FGD2: variants seen among roughly 807,000 people sequenced by gnomAD.
The protein encoded by FGD2 is FYVE, RhoGEF and PH domain-containing protein 2.
In FGD2, 52 loss-of-function variants were observed where a neutral mutation model predicts 75.9. That is an observed-to-expected ratio of 0.69 (90% CI 0.55 to 0.86). FGD2 has a LOEUF of 0.86. Among genes scored for constraint, FGD2 ranks in the 40% least tolerant of loss-of-function variants. FGD2 has a pLI of 0.00. For synonymous variants in FGD2, 347 were observed against 348.6 expected, an observed-to-expected ratio of 1.00 and a Z score of 0.05; for missense variants, 790 against 872.0, an observed-to-expected ratio of 0.91 and a Z score of 1.18.
chr6:37,016,754 C>A (rs1465582277), intron 9 of FGD2, among the ~76,000 whole-genome samples: 1 of 152,144 alleles, frequency 6.6e-6, no homozygotes, highest in Non-Finnish European at 1.5e-5. Flanking sequence ...CCAGGCTGGT[C>A]TCAAACTCCT....
Position 37,028,111 on chromosome 6 carries a change from C to T in FGD2, c.1916C>T (p.Ala639Val), listed in dbSNP as rs752345344. ...CGCTGGGTGAAGGCCATGGAGCGGG[C>T]GGCCAGTGGCTGGAGCCCCAGCTGG... ...KGRWVKAMER[A>V]ASGWSPSWPN... Residue 639 changes from alanine to valine, a missense_variant, in exon 16 of 16, where the codon GCG (alanine) becomes GTG (valine). By Grantham distance (64) the Ala-to-Val change is moderately conservative (BLOSUM62 0). Transcript: ENST00000274963. 22 of 1,610,358 alleles carry T rather than the reference C, an allele frequency of 1.4e-5. No individual in the cohort carries two copies. The highest frequency in any genetic ancestry group is 1.7e-5 in the Non-Finnish European group (20 of 1,178,446).
At chr6:37,021,294 G>A (rs543860868) in intron 11 of FGD2, among the ~76,000 whole-genome samples, 1 of 152,200 alleles carries the variant, frequency 6.6e-6, no homozygotes, top group Non-Finnish European at 1.5e-5. Context: ...GGCAGTCCAG[G>A]GCCAGTCACT....
intron 14 of FGD2, chr6:37,026,320 C>T (rs1250979458): frequency 2.0e-6 from 2 of 985,322 alleles, no homozygotes; most frequent in African/African-American, 3.5e-5. Context: ...AACACTGACG[C>T]TCCAGGTCAG....
At chr6:37,010,690 A>G (rs759492206) in intron 2 of FGD2, among the ~76,000 whole-genome samples, 14 of 152,146 alleles carry the variant, frequency 9.2e-5, no homozygotes, top group Non-Finnish European at 1.6e-4. Flanking sequence ...TCTCCCTATC[A>G]GAGCTGCCAG....
At chr6:37,027,621 A>G (rs750161620) in intron 15 of FGD2, 46 bp downstream of exon 15, 18 of 1,609,644 alleles carry the variant, frequency 1.1e-5, no homozygotes, top group Non-Finnish European at 1.4e-5. Flanking sequence ...TGGCCTTCCC[A>G]CAGCGTGTGT....
intron 4 of FGD2, 70 bp downstream of exon 4, chr6:37,011,924 G>A: frequency 1.3e-6 from 2 of 1,552,810 alleles, no homozygotes; most frequent in Non-Finnish European, 1.7e-6. Flanking sequence ...GGAGACCCCA[G>A]GGCGCTAGGT....
chr6:37,024,665 A>C (rs1765734425), intron 13 of FGD2: 2 of 152,226 alleles, frequency 1.3e-5, no homozygotes, highest in South Asian at 4.1e-4. Flanking sequence ...ATATTTACTA[A>C]TTATATTTAA....
At chr6:37,008,703 A>G (rs987685137) in intron 1 of FGD2, 131 bp from the exon 2 acceptor site, 4 of 682,260 alleles carry the variant, frequency 5.9e-6, no homozygotes, top group Non-Finnish European at 9.6e-6. Flanking sequence ...CATGTTCCCA[A>G]AGAAAGCCAG....
chr6:37,018,069 G>T (rs143802200), intron 9 of FGD2, among the ~76,000 whole-genome samples: 187 of 152,318 alleles, frequency 1.2e-3, no homozygotes, highest in African/African-American at 4.3e-3. Flanking sequence ...GAGAAAGGCA[G>T]GTTTATAGAG....
At chr6:37,027,862 C>G in intron 15 of FGD2, 86 bp from the exon 16 acceptor site, 1 of 1,432,886 alleles carries the variant, frequency 7.0e-7, no homozygotes, top group East Asian at 2.3e-5. Flanking sequence ...GTGAGCTGTG[C>G]GTGCGTGGCT....
rs779903345 is a variant in FGD2 at position 37,015,727 on chromosome 6, C to T, written c.1030-41C>T. 11 of 1,543,216 alleles carry T rather than the reference C, an allele frequency of 7.1e-6. No individual in the cohort carries two copies. In the Admixed American group the frequency reaches 1.2e-4, roughly 16 times the overall value. On this transcript the variant is annotated intron_variant, in intron 8 of 15. Transcript: ENST00000274963. ...GGGAAACCCCACCTAGCCATCCTCC[C>T]TGCCCCTGCCACGGGCCACTCACGC...
chr6:37,014,137 G>A (rs771492916), intron 6 of FGD2, 37 bp downstream of exon 6: 17 of 1,598,970 alleles, frequency 1.1e-5, no homozygotes, highest in South Asian at 6.7e-5. Context: ...GGGCTGAGGA[G>A]GCCTAAGCCA....
At chr6:37,022,571 TACCTAGGCTTCCACTTGATCC>T (rs1045088995) in intron 13 of FGD2, 48 of 612,520 alleles carry the variant, frequency 7.8e-5, no homozygotes, top group Middle Eastern at 2.7e-4. Context: ...CTATCTTTCC[TACCTAGGCTTCCACTTGATCC>T]ACCTAGGCTT....
At chr6:37,024,537 G>A (rs1284550321) in intron 13 of FGD2, 1 of 151,890 alleles carries the variant, frequency 6.6e-6, no homozygotes, top group African/African-American at 2.4e-5. Flanking sequence ...GAGACAGAGA[G>A]CAAATGTGGC....
intron 9 of FGD2, among the ~76,000 whole-genome samples, chr6:37,016,464 T>G (rs1583307692): frequency 1.3e-5 from 2 of 151,900 alleles, no homozygotes; most frequent in Admixed American, 1.3e-4. Context: ...TAGTCCATGA[T>G]GGAGCCCATG....
At chr6:37,023,157 G>C (rs1161965071) in intron 13 of FGD2, 1 of 155,052 alleles carries the variant, frequency 6.4e-6, no homozygotes, top group African/African-American at 2.4e-5. Context: ...CTCTTTACCC[G>C]CTTCGGCTAA....
intron 2 of FGD2, 112 bp from the exon 3 acceptor site, chr6:37,010,861 G>A (rs780687600): frequency 2.8e-5 from 29 of 1,023,582 alleles, no homozygotes; most frequent in Non-Finnish European, 3.6e-5. Flanking sequence ...CATGAATCCC[G>A]GGAGGCATGC....
intron 11 of FGD2, 149 bp downstream of exon 11, chr6:37,020,888 A>ATGTGTG (rs58421270): frequency 0.31 from 215,708 of 691,582 alleles, 14,909 homozygotes; most frequent in Admixed American, 0.38. Context: ...GTATGTATGC[A>ATGTGTG]TGTGTGTGTG....
intron 9 of FGD2, among the ~76,000 whole-genome samples, chr6:37,016,866 T>G (rs1228721321): frequency 1.3e-5 from 2 of 152,086 alleles, no homozygotes; most frequent in Non-Finnish European, 2.9e-5. Flanking sequence ...ATATTTTAAT[T>G]TTACTACTTA....
Sources: allele counts gnomAD v4.1 joint callset (sites outside exome capture counted in the v4.1 genomes callset), GRCh38; gene constraint gnomAD v4.1.1; transcripts MANE v1.5; gene names NCBI Gene and HGNC (gene_info 2026-07-23, HGNC 2026-07-21).